The following TRPC3 variants were observed in gnomAD, a reference collection of about 807,000 sequenced individuals.
The protein encoded by TRPC3 is short transient receptor potential channel 3.
Under a neutral mutation model 90.9 loss-of-function variants are expected in TRPC3, and 54 were observed. The ratio of observed to expected loss-of-function variants is 0.59; its 90% CI spans 0.48 to 0.75. The LOEUF is 0.75. Ranked by LOEUF, TRPC3 falls within the 30% of genes least tolerant of loss-of-function variation. The pLI is 0.00. For synonymous variants in TRPC3, 424 were observed against 450.9 expected, an observed-to-expected ratio of 0.94 and a Z score of 0.75; for missense variants, 918 against 1,194.5, an observed-to-expected ratio of 0.77 and a Z score of 3.41.
chr4:121,886,793 C>T (rs1400680446), intron 10 of TRPC3, among the ~76,000 whole-genome samples: 5 of 151,552 alleles, frequency 3.3e-5, no homozygotes, highest in African/African-American at 7.3e-5. Context: ...GTTCTGTTGA[C>T]CTAAAGAAAA....
intron 1 of TRPC3, among the ~76,000 whole-genome samples, chr4:121,944,239 A>G (rs1031946738): frequency 6.6e-6 from 1 of 152,148 alleles, no homozygotes; most frequent in African/African-American, 2.4e-5. Flanking sequence ...CCTCCTTAGA[A>G]GAATGCCCAG....
At position 121,932,274 on chromosome 4, in the gene TRPC3, G is replaced by C; in HGVS notation, c.984C>G (p.Phe328Leu). 6.2e-7 allele frequency: 1 copy of C among 1,613,382 alleles called. No individual in the cohort carries two copies. The highest frequency in any genetic ancestry group is 8.5e-7 in the Non-Finnish European group (1 of 1,179,508). ...CGGGGTAGAGCGCAAAGCTTACCTTGAACTCCTTCTCTATGTTGGCCAGCT... is the reference window on the plus strand; with the variant it reads ...CGGGGTAGAGCGCAAAGCTTACCTTCAACTCCTTCTCTATGTTGGCCAGCT... ...LAKLANIEKE[F>L]KNDYRKLSMQ... Residue 328 changes from phenylalanine (F) to leucine (L), a missense_variant, in exon 2 of 12, where the codon TTC becomes TTG. Coordinates refer to ENST00000379645, the MANE Select transcript of TRPC3 (RefSeq NM_001130698.2). This position sits in a 1 kb window ranked among gnomAD's most constrained non-coding sequence, Gnocchi z 7.7.
rs550041419 is a variant in TRPC3 at position 121,875,855 on chromosome 4, T to C, written c.*3881A>G. ...AATTTAGAAATTCTCAAACTCTTTT[T>C]TAAACTGAACAAAGTTATAAATACC... is the stretch of plus-strand genomic sequence containing the variant. On this transcript the variant is annotated 3_prime_UTR_variant, in exon 12 of 12. Transcript: ENST00000379645. Among the ~76,000 whole-genome samples the C allele has an allele frequency of 2.6e-4, 39 of 151,944 alleles. No individual in the cohort carries two copies. The highest frequency in any genetic ancestry group is 9.4e-4 in the African/African-American group (39 of 41,404).
At chr4:121,891,252 T>C (rs749478237) in intron 10 of TRPC3, among the ~76,000 whole-genome samples, 11 of 152,166 alleles carry the variant, frequency 7.2e-5, no homozygotes, top group Admixed American at 2.0e-4. Context: ...ATATTACAGG[T>C]AGTCAATATA....
At chr4:121,940,993 C>T (rs554350611) in intron 1 of TRPC3, among the ~76,000 whole-genome samples, 3 of 152,300 alleles carry the variant, frequency 2.0e-5, no homozygotes, top group East Asian at 1.9e-4. Context: ...ACCTCCCTTA[C>T]GGTCACTGAG....
At chr4:121,910,541 AG>A (rs1404854876) in intron 5 of TRPC3, among the ~76,000 whole-genome samples, 154 bp from the exon 6 acceptor site, 1 of 152,158 alleles carries the variant, frequency 6.6e-6, no homozygotes, top group African/African-American at 2.4e-5. Flanking sequence ...ATGGTCACTG[AG>A]GCCCTGTGCA....
rs941985331 is a variant in TRPC3, at chr4:121,876,289, T to C, written c.*3447A>G. Among the ~76,000 whole-genome samples, 3 of 152,116 alleles carry C rather than the reference T, an allele frequency of 2.0e-5. No homozygotes were observed. Among genetic ancestry groups the C allele is most frequent in the Non-Finnish European group, 4.4e-5 (3 of 68,018 alleles). On this transcript the variant is annotated 3_prime_UTR_variant, in exon 12 of 12. Transcript: ENST00000379645. ...ATAGTGAGACCCGCCTCTAAAAATG[T>C]ATTTTAAAAACTTTATTTAAAAAAT...
Position 121,879,724 on chromosome 4 carries a change from C to G in TRPC3, c.*12G>C, listed in dbSNP as rs1235341303. On this transcript the variant is annotated 3_prime_UTR_variant, in exon 12 of 12. Coordinates refer to ENST00000379645, the MANE Select transcript of TRPC3 (RefSeq NM_001130698.2). The stretch of plus-strand genomic sequence containing the variant: ...TTTGTGCTATAGTCAAAGCCAAATC[C>G]AGGTTGCTGCATCATTCACATCTCA... 1 of 1,598,110 alleles carries G rather than the reference C, an allele frequency of 6.3e-7. No homozygotes were observed. Among genetic ancestry groups the G allele is most frequent in the Admixed American group, 1.8e-5 (1 of 57,056 alleles).
At chr4:121,920,025 G>A (rs774144526) in intron 3 of TRPC3, among the ~76,000 whole-genome samples, 18 of 152,072 alleles carry the variant, frequency 1.2e-4, no homozygotes, top group Non-Finnish European at 2.4e-4. Context: ...ACTTTTGGTG[G>A]GGGGCAAATA....
intron 8 of TRPC3, 40 bp downstream of exon 8, chr4:121,904,282 G>T (rs1728808546): frequency 6.5e-7 from 1 of 1,550,176 alleles, no homozygotes; most frequent in East Asian, 2.3e-5. Context: ...ATCAGAATAG[G>T]ATGACAAGGA....
Position 121,878,105 on chromosome 4 carries a change from A to G in TRPC3, c.*1631T>C, listed in dbSNP as rs567343221. On this transcript the variant is annotated 3_prime_UTR_variant, in exon 12 of 12. Coordinates refer to ENST00000379645, the MANE Select transcript of TRPC3 (RefSeq NM_001130698.2). ...TAACAATGGAAAAATTCAATATTTT[A>G]TTCAGTTCTGAGACACAACATAAAG... 8.3e-4 allele frequency among the ~76,000 whole-genome samples: 126 copies of G among 152,340 alleles called. No homozygotes were observed. The highest frequency in any genetic ancestry group is 2.0e-3 in the Admixed American group (31 of 15,310).
chr4:121,899,615 A>G lies in TRPC3; in HGVS notation c.2544T>C (p.Tyr848=). The G allele has an allele frequency of 1.2e-6, 2 of 1,612,968 alleles. No homozygotes were observed. The highest frequency in any genetic ancestry group is 1.1e-5 in the South Asian group (1 of 91,038). ...FNSILNQPTR[Y]QQIMKRLIKR... The stretch of plus-strand genomic sequence containing the variant: ...GATACGTCTAATGAATGCTTACCTG[A>G]TAACGTGTTGGCTGATTGAGAATGC... Residue 848 remains tyrosine, a synonymous_variant, in exon 10 of 12, where the codon TAT becomes TAC. Coordinates refer to ENST00000379645, the MANE Select transcript of TRPC3 (RefSeq NM_001130698.2).
At chr4:121,911,026 T>G (rs1216473150) in intron 5 of TRPC3, among the ~76,000 whole-genome samples, 1 of 152,070 alleles carries the variant, frequency 6.6e-6, no homozygotes, top group Non-Finnish European at 1.5e-5. Context: ...ACTTAACAAC[T>G]TAACAAATTG....
At chr4:121,899,829 G>A in intron 9 of TRPC3, 134 bp from the exon 10 acceptor site, 1 of 667,776 alleles carries the variant, frequency 1.5e-6, no homozygotes, top group Admixed American at 2.7e-5. Flanking sequence ...GTTGAGCTTT[G>A]TAAGTGATGT....
chr4:121,929,516 A>G (rs1030786863), intron 2 of TRPC3, among the ~76,000 whole-genome samples: 1 of 152,168 alleles, frequency 6.6e-6, no homozygotes. Context: ...TTAGACCAAG[A>G]GTCTATCTTT....
chr4:121,950,868 A>G (rs1286345717), intron 1 of TRPC3: 4 of 152,482 alleles, frequency 2.6e-5, no homozygotes, highest in African/African-American at 4.8e-5. Flanking sequence ...TGAACCACAG[A>G]GAGACGAGGC....
At chr4:121,940,381 C>T (rs1730267541) in intron 1 of TRPC3, among the ~76,000 whole-genome samples, 1 of 152,214 alleles carries the variant, frequency 6.6e-6, no homozygotes, top group South Asian at 2.1e-4. Flanking sequence ...AATGTTTTCT[C>T]TCCTACTCAG....
intron 11 of TRPC3, 65 bp downstream of exon 11, chr4:121,882,289 C>T: frequency 6.9e-7 from 1 of 1,453,024 alleles, no homozygotes; most frequent in East Asian, 2.4e-5. Context: ...TATGCCTCAA[C>T]ATTAAGTTTT....
chr4:121,924,995 T>C (rs1409361441), intron 3 of TRPC3, 23 bp downstream of exon 3: 2 of 1,594,730 alleles, frequency 1.3e-6, no homozygotes, highest in East Asian at 2.2e-5. Context: ...AATATGGCAC[T>C]AGATGAAAGT....
Sources: gnomAD v4.1 joint callset for allele counts (sites outside exome capture counted in the v4.1 genomes callset) on GRCh38, gnomAD v4.1.1 for gene constraint, Gnocchi (gnomAD v3.1) non-coding constraint, MANE v1.5 for transcripts, NCBI Gene and HGNC (gene_info 2026-07-23, HGNC 2026-07-21) for gene names.